The following TMED3 variants were observed in gnomAD, a reference collection of about 807,000 sequenced individuals.
TMED3 encodes the protein transmembrane emp24 domain-containing protein 3.
Under a neutral mutation model 15.0 loss-of-function variants are expected in TMED3, and 9 were observed. The observed-to-expected ratio is 0.60, with a 90% CI of 0.36 to 1.04. The LOEUF (loss-of-function observed/expected upper bound fraction) is 1.04. Among genes scored for constraint, TMED3 ranks in the 50% least tolerant of loss-of-function variants. The probability of loss-of-function intolerance (pLI) is 0.01; values close to 1 mark genes in which losing one functional copy is unlikely to be tolerated. For missense variants in TMED3, 267 were observed against 278.9 expected (o/e 0.96, Z 0.30); for synonymous variants, 117 against 121.4 (o/e 0.96, Z 0.24).
chr15:79,406,880 T>C (rs1183800075), intron 2 of TMED3, among the ~76,000 whole-genome samples: 1 of 152,218 alleles, frequency 6.6e-6, no homozygotes, highest in Non-Finnish European at 1.5e-5. Flanking sequence ...TCTTGCTTTG[T>C]GGGAATCCTG....
intron 2 of TMED3, among the ~76,000 whole-genome samples, chr15:79,346,467 C>A (rs545648265): frequency 6.6e-6 from 1 of 152,312 alleles, no homozygotes; most frequent in Non-Finnish European, 1.5e-5. Context: ...TGCACATGCT[C>A]TCTTACCTGC....
chr15:79,355,291 T>G (rs2058914480), intron 2 of TMED3, among the ~76,000 whole-genome samples: 1 of 152,192 alleles, frequency 6.6e-6, no homozygotes. Flanking sequence ...TGATCACAGC[T>G]GCCAGAAGGG....
At chr15:79,394,650 G>A (rs1893739684) in intron 2 of TMED3, among the ~76,000 whole-genome samples, 1 of 152,192 alleles carries the variant, frequency 6.6e-6, no homozygotes, top group South Asian at 2.1e-4. Flanking sequence ...GCTACAAATG[G>A]AGAAGAGGTT....
intron 2 of TMED3, among the ~76,000 whole-genome samples, chr15:79,385,845 A>G (rs1183530391): frequency 6.6e-6 from 1 of 152,230 alleles, no homozygotes; most frequent in Non-Finnish European, 1.5e-5. Context: ...TGGAGTGTGC[A>G]GTGCCAGCCG....
intron 1 of TMED3, among the ~76,000 whole-genome samples, chr15:79,313,278 C>T (rs936172256): frequency 3.3e-5 from 5 of 152,014 alleles, no homozygotes; most frequent in South Asian, 2.1e-4. Context: ...CTCTTGATTT[C>T]GGGAAGCTTT....
intron 2 of TMED3, among the ~76,000 whole-genome samples, chr15:79,381,242 G>A (rs990890179): frequency 1.3e-5 from 2 of 152,152 alleles, no homozygotes; most frequent in African/African-American, 4.8e-5. Context: ...TGGGCTCTAA[G>A]GCAGGAAAGA....
Position 79,322,736 on chromosome 15 carries a change from C to T in TMED3, c.*522C>T. On this transcript the variant is annotated 3_prime_UTR_variant, in exon 3 of 3. Transcript: ENST00000299705. ...TCGGTGAGCAACAGTGTCAGCCATG[C>T]AAGCAGGACAGAATGGTGACTGGGT... The T allele has an allele frequency of 1.0e-6, 1 of 985,728 alleles. No individual in the cohort carries two copies. The highest frequency in any genetic ancestry group is 4.7e-5 in the South Asian group (1 of 21,288). The allele number at this position is 985,728 out of a possible 1,614,324, so 61.1% of individuals were successfully genotyped here.
chr15:79,311,192 C>A lies in TMED3; in HGVS notation c.-58C>A. 2.6e-6 allele frequency: 4 copies of A among 1,527,778 alleles called. No individual in the cohort carries two copies. The highest frequency in any genetic ancestry group is 2.6e-6 in the Non-Finnish European group (3 of 1,143,948). 94.6% of individuals were successfully genotyped at this position (1,527,778 alleles called of 1,614,324 possible). ...AGGACCCGGTCGGTAGTCGTCGCCC[C>A]AGCCCGCCGGGGGCGCAGCGCCCGA... is the stretch of plus-strand genomic sequence containing the variant. On this transcript the variant is annotated 5_prime_UTR_variant, in exon 1 of 3. Transcript: ENST00000299705.
At chr15:79,405,898 G>A (rs1893896818) in intron 2 of TMED3, among the ~76,000 whole-genome samples, 1 of 152,170 alleles carries the variant, frequency 6.6e-6, no homozygotes, top group African/African-American at 2.4e-5. Flanking sequence ...AAGGTGAGCT[G>A]CTTTTTATTC....
intron 2 of TMED3, among the ~76,000 whole-genome samples, chr15:79,408,458 A>G (rs1337614990): frequency 6.6e-6 from 1 of 152,260 alleles, no homozygotes; most frequent in Admixed American, 6.5e-5. Flanking sequence ...GGCATCTGCA[A>G]GGAAGTGATA....
At chr15:79,369,931 TGGATTCTGCTCAAGCA>T (rs1361362914) in intron 2 of TMED3, among the ~76,000 whole-genome samples, 3 of 152,238 alleles carry the variant, frequency 2.0e-5, no homozygotes, top group African/African-American at 7.2e-5. Context: ...GGCAGCTTCC[TGGATTCTGCTCAAGCA>T]GGGCAGAAGT....
chr15:79,350,820 G>T (rs1251895768), intron 2 of TMED3, among the ~76,000 whole-genome samples: 2 of 152,184 alleles, frequency 1.3e-5, no homozygotes, highest in East Asian at 3.8e-4. Flanking sequence ...CAAAAAGCAA[G>T]AAGTCTGGGG....
intron 2 of TMED3, among the ~76,000 whole-genome samples, chr15:79,374,871 T>A (rs1040220744): frequency 1.3e-5 from 2 of 152,182 alleles, no homozygotes; most frequent in African/African-American, 4.8e-5. Context: ...AAACACAGTC[T>A]AGGAGATGCT....
intron 2 of TMED3, among the ~76,000 whole-genome samples, chr15:79,340,097 C>G (rs1340240656): frequency 6.6e-6 from 1 of 152,174 alleles, no homozygotes; most frequent in African/African-American, 2.4e-5. Context: ...CTAGTAAATA[C>G]TGTTTAAAGT....
intron 2 of TMED3, among the ~76,000 whole-genome samples, chr15:79,327,898 G>A (rs1275089639): frequency 6.6e-6 from 1 of 152,144 alleles, no homozygotes; most frequent in Non-Finnish European, 1.5e-5. Flanking sequence ...GCTTCCTTGG[G>A]GTTAGTTAGG....
At chr15:79,351,540 C>A (rs755028503) in intron 2 of TMED3, among the ~76,000 whole-genome samples, 1 of 152,118 alleles carries the variant, frequency 6.6e-6, no homozygotes, top group African/African-American at 2.4e-5. Flanking sequence ...AAAAACCCAC[C>A]TTTTTATGGC....
intron 2 of TMED3, among the ~76,000 whole-genome samples, chr15:79,404,684 C>G (rs1465762351): frequency 6.6e-6 from 1 of 152,212 alleles, no homozygotes; most frequent in African/African-American, 2.4e-5. Context: ...TCAGCCAAAA[C>G]ATTTGCCGCT....
At chr15:79,348,188 A>C (rs2058878267) in intron 2 of TMED3, among the ~76,000 whole-genome samples, 1 of 152,210 alleles carries the variant, frequency 6.6e-6, no homozygotes, top group South Asian at 2.1e-4. Flanking sequence ...TGCCCTCTGA[A>C]GAAACTTGCC....
intron 2 of TMED3, among the ~76,000 whole-genome samples, chr15:79,362,329 G>T (rs181534816): frequency 6.6e-6 from 1 of 150,790 alleles, no homozygotes; most frequent in African/African-American, 2.4e-5. Flanking sequence ...AATTAGCCAG[G>T]TGGTGGCATG....
Sources: allele counts gnomAD v4.1 joint callset (sites outside exome capture counted in the v4.1 genomes callset), GRCh38; gene constraint gnomAD v4.1.1; transcripts MANE v1.5; gene names NCBI Gene and HGNC (gene_info 2026-07-23, HGNC 2026-07-21).